DOCK1: variants seen among roughly 807,000 people sequenced by gnomAD.
DOCK1 encodes the protein dedicator of cytokinesis 1, also known as dedicator of cytokinesis protein 1.
DOCK1 carries 138 observed loss-of-function variants against 262.7 expected under a neutral mutation model. The ratio of observed to expected loss-of-function variants is 0.53; its 90% CI spans 0.46 to 0.61. The LOEUF is 0.61. DOCK1 is among the 20% of genes least tolerant of loss of function. The probability of loss-of-function intolerance (pLI) is 0.00; values close to 1 mark genes in which losing one functional copy is unlikely to be tolerated. For synonymous variants in DOCK1, 866 were observed against 867.4 expected, an observed-to-expected ratio of 1.00 and a Z score of 0.03; for missense variants, 1,908 against 2,370.7, an observed-to-expected ratio of 0.80 and a Z score of 4.05.
At chr10:127,088,050 C>T (rs536607734) in intron 23 of DOCK1, among the ~76,000 whole-genome samples, 5 of 152,130 alleles carry the variant, frequency 3.3e-5, no homozygotes, top group Admixed American at 6.5e-5. Flanking sequence ...TTTACAAATG[C>T]GTAGTGAAAG....
intron 29 of DOCK1, among the ~76,000 whole-genome samples, chr10:127,336,393 C>T (rs978669145): frequency 4.0e-5 from 6 of 151,630 alleles, no homozygotes; most frequent in South Asian, 2.1e-4. Context: ...TGAATTTCCA[C>T]GTTGTTTTTG....
chr10:127,421,450 ATAAT>A (rs1206215160), intron 46 of DOCK1, among the ~76,000 whole-genome samples: 2 of 152,206 alleles, frequency 1.3e-5, no homozygotes, highest in African/African-American at 4.8e-5. Context: ...TATATTATAA[ATAAT>A]TGTGATAAAA....
intron 47 of DOCK1, among the ~76,000 whole-genome samples, chr10:127,431,164 C>G (rs796726129): frequency 1.4e-4 from 21 of 152,218 alleles, no homozygotes; most frequent in African/African-American, 5.1e-4. Flanking sequence ...TCCAATGTCC[C>G]CAACTCCTAC....
rs1482643196 is a variant in DOCK1 at position 127,024,836 on chromosome 10, T to A, written c.1551+53T>A. On this transcript the variant is annotated intron_variant, in intron 15 of 51. Transcript: ENST00000623213. ...ATGGCGCTGATTATGAAATGCTCAT[T>A]TGTAACCCAAGGAAACATCCTAACA... is the stretch of plus-strand genomic sequence containing the variant. The A allele has an allele frequency of 4.8e-6, 7 of 1,459,324 alleles. No homozygotes were observed. The African/African-American group carries it at 8.4e-5, about 18-fold the overall frequency. 90.4% of individuals were successfully genotyped at this position (1,459,324 alleles called of 1,614,324 possible).
At chr10:127,191,842 T>A (rs1050836484) in intron 27 of DOCK1, among the ~76,000 whole-genome samples, 2 of 152,220 alleles carry the variant, frequency 1.3e-5, no homozygotes, top group Non-Finnish European at 2.9e-5. Context: ...TGCTTTGGGA[T>A]ATAGCTGTGA....
In DOCK1 at chr10:127,218,620, C is replaced by T. The variant is rs75939303; in HGVS notation, c.2848-29388C>T. Among the ~76,000 whole-genome samples, 388 of 152,318 alleles carry T rather than the reference C, an allele frequency of 2.5e-3. 4 individuals carry two copies. Among genetic ancestry groups the T allele is most frequent in the African/African-American group, 9.3e-3 (386 of 41,570 alleles). On this transcript the variant is annotated intron_variant, in intron 27 of 51. Coordinates refer to ENST00000623213, the MANE Select transcript of DOCK1 (RefSeq NM_001290223.2). ...GTGGTTTTTCAAAGCTCACACATGA[C>T]CGTATGGACTCTGCACAGTTGGTGC... is the stretch of plus-strand genomic sequence containing the variant.
intron 24 of DOCK1, among the ~76,000 whole-genome samples, chr10:127,109,458 G>A (rs146700998): frequency 1.3e-5 from 2 of 152,266 alleles, no homozygotes; most frequent in African/African-American, 4.8e-5. Context: ...GTATATTTAC[G>A]AAGATGTGCA....
chr10:127,157,161 T>C (rs1264549182), intron 27 of DOCK1, among the ~76,000 whole-genome samples: 2 of 152,204 alleles, frequency 1.3e-5, no homozygotes, highest in South Asian at 2.1e-4. Flanking sequence ...AGTATTTTGG[T>C]CTAGAATGAA....
chr10:127,359,492 A>T (rs1010814986), intron 32 of DOCK1, among the ~76,000 whole-genome samples: 1 of 152,196 alleles, frequency 6.6e-6, no homozygotes, highest in African/African-American at 2.4e-5. Context: ...CTGTTTTCTG[A>T]AACATTGGCT....
At chr10:127,273,984 G>T (rs939355659) in intron 29 of DOCK1, among the ~76,000 whole-genome samples, 8 of 152,288 alleles carry the variant, frequency 5.3e-5, no homozygotes, top group South Asian at 2.1e-4. Context: ...TTCAGCCTGA[G>T]AATTAAGCTG....
intron 18 of DOCK1, among the ~76,000 whole-genome samples, chr10:127,036,035 T>G (rs1205525766): frequency 1.3e-5 from 2 of 149,372 alleles, no homozygotes; most frequent in African/African-American, 5.0e-5. Flanking sequence ...AATAAATAAA[T>G]AAATAAATAA....
chr10:127,379,664 G>C (rs186791578), intron 35 of DOCK1, among the ~76,000 whole-genome samples: 1 of 152,284 alleles, frequency 6.6e-6, no homozygotes, highest in Non-Finnish European at 1.5e-5. Flanking sequence ...CTGAGGCTGG[G>C]CCCAGAAAGC....
rs375773085 is a variant in DOCK1 at position 127,175,755 on chromosome 10, C to G, written c.2847+47991C>G. The G allele has an allele frequency of 6.2e-7, 1 of 1,614,044 alleles. No individual in the cohort carries two copies. Among genetic ancestry groups the G allele is most frequent in the East Asian group, 2.2e-5 (1 of 44,842 alleles). ...GTAATCGGGCTCTTCGGATGGAGGCCGAGTGGAGTTTTGGAGCGCAGCTTC... is the reference window on the plus strand; with the variant it reads ...GTAATCGGGCTCTTCGGATGGAGGCGGAGTGGAGTTTTGGAGCGCAGCTTC... On this transcript the variant is annotated intron_variant, in intron 27 of 51. Coordinates refer to ENST00000623213, the MANE Select transcript of DOCK1 (RefSeq NM_001290223.2). This position sits in a 1 kb window ranked among gnomAD's most constrained non-coding sequence, Gnocchi z 6.3.
intron 4 of DOCK1, among the ~76,000 whole-genome samples, chr10:126,982,588 T>C (rs1364322513): frequency 6.6e-6 from 1 of 152,342 alleles, no homozygotes; most frequent in African/African-American, 2.4e-5. Context: ...TCACACTCAG[T>C]TAAATATGTA....
At chr10:127,412,899 T>G (rs190455734) in intron 43 of DOCK1, among the ~76,000 whole-genome samples, 2 of 152,224 alleles carry the variant, frequency 1.3e-5, no homozygotes, top group African/African-American at 2.4e-5. Flanking sequence ...GTTTGAAGAT[T>G]ATGTTCACCC....
intron 1 of DOCK1, 87 bp from the exon 2 acceptor site, chr10:126,970,612 AAAC>A (rs2038028021): frequency 4.0e-6 from 4 of 992,088 alleles, no homozygotes; most frequent in East Asian, 2.6e-5. Flanking sequence ...TCAATATTAA[AAAC>A]AACAACATTA....
At chr10:127,159,469 C>T (rs551809143) in intron 27 of DOCK1, among the ~76,000 whole-genome samples, 1 of 152,068 alleles carries the variant, frequency 6.6e-6, no homozygotes. Context: ...TACTTGTATA[C>T]TTACAAGTAT....
At chr10:127,392,415 C>T (rs1182234664) in intron 38 of DOCK1, among the ~76,000 whole-genome samples, 1 of 152,070 alleles carries the variant, frequency 6.6e-6, no homozygotes, top group Non-Finnish European at 1.5e-5. Context: ...GGGAGCTGTG[C>T]CGTGGCCTGG....
intron 29 of DOCK1, among the ~76,000 whole-genome samples, chr10:127,329,472 C>A (rs11017353): frequency 0.048 from 7,261 of 150,032 alleles, 211 homozygotes; most frequent in Non-Finnish European, 0.072. Context: ...TGAACGGACA[C>A]TGGGGTGCTG....
Sources: gnomAD v4.1 joint callset for allele counts (sites outside exome capture counted in the v4.1 genomes callset) on GRCh38, gnomAD v4.1.1 for gene constraint, Gnocchi (gnomAD v3.1) non-coding constraint, MANE v1.5 for transcripts, NCBI Gene and HGNC (gene_info 2026-07-23, HGNC 2026-07-21) for gene names.